Variants in SRCAP observed in about 807,000 individuals in gnomAD.
SRCAP encodes Snf2 related CREBBP activator protein.
In SRCAP, 46 loss-of-function variants were observed where a neutral mutation model predicts 263.1. The ratio of observed to expected loss-of-function variants is 0.17; its 90% CI spans 0.14 to 0.22. The LOEUF (loss-of-function observed/expected upper bound fraction) is 0.22. SRCAP is among the 10% of genes least tolerant of loss of function. The probability of loss-of-function intolerance (pLI) is 1.00; values close to 1 mark genes in which losing one functional copy is unlikely to be tolerated. For synonymous variants in SRCAP, 1,813 were observed against 1,662.1 expected, an observed-to-expected ratio of 1.09 and a Z score of -2.21; for missense variants, 3,695 against 4,181.9, an observed-to-expected ratio of 0.88 and a Z score of 3.21.
intron 6 of SRCAP, 36 bp from the exon 7 acceptor site, chr16:30,709,477 T>C: frequency 6.2e-7 from 1 of 1,607,778 alleles, no homozygotes; most frequent in Non-Finnish European, 8.5e-7. Context: ...ATAAAATGGT[T>C]ATCTTGGTGA....
In SRCAP at chr16:30,739,979, T is replaced by G; in HGVS notation, c.*246T>G. On this transcript the variant is annotated 3_prime_UTR_variant, in exon 34 of 34. Coordinates refer to ENST00000262518, the MANE Select transcript of SRCAP (RefSeq NM_006662.3). ...GTTAAGGGTGGCAAGATAGTCTCTG[T>G]CCCCACCCCCTTGTACTTGATTCCC... 1 of 424,212 alleles carries G rather than the reference T, an allele frequency of 2.4e-6. No homozygotes were observed. Among genetic ancestry groups the G allele is most frequent in the Non-Finnish European group, 3.9e-6 (1 of 255,544 alleles). 26.3% of individuals were successfully genotyped at this position (424,212 alleles called of 1,614,324 possible).
intron 13 of SRCAP, 72 bp from the exon 14 acceptor site, chr16:30,712,607 A>G (rs1200004609): frequency 2.5e-6 from 4 of 1,600,450 alleles, no homozygotes; most frequent in Non-Finnish European, 3.4e-6. Flanking sequence ...AAGGGTGGCC[A>G]GGGTTATAAC....
In SRCAP at chr16:30,729,556, C is replaced by T. The variant is rs781249069; in HGVS notation, c.6111C>T (p.Leu2037=). 1.2e-5 allele frequency: 20 copies of T among 1,614,180 alleles called. No individual in the cohort carries two copies. Among genetic ancestry groups the T allele is most frequent in the Admixed American group, 6.7e-5 (4 of 60,014 alleles). Residue 2037 remains leucine, a synonymous_variant, in exon 27 of 34, where the codon CTC becomes CTT. Transcript: ENST00000262518. ...NMRTQFPDLR[L]IQYDCGKLQT... is the part of the protein sequence containing the mutation. ...GCACCCAGTTCCCTGACTTAAGACT[C>T]ATCCAGTATGATTGCGGTGAGTTTG... is the stretch of plus-strand genomic sequence containing the variant.
intron 4 of SRCAP, among the ~76,000 whole-genome samples, chr16:30,706,292 C>T (rs191205466): frequency 1.3e-5 from 2 of 152,124 alleles, no homozygotes; most frequent in Admixed American, 1.3e-4. Flanking sequence ...CTCGCCCCTA[C>T]GAAAAATACA....
Position 30,740,353 on chromosome 16 carries a change from TC to T in SRCAP, c.*622del, listed in dbSNP as rs2151301919. 1 of 152,344 alleles carries T rather than the reference TC, an allele frequency of 6.6e-6. No homozygotes were observed. Among genetic ancestry groups the T allele is most frequent in the South Asian group, 2.1e-4 (1 of 4,824 alleles). The allele number at this position is 152,344 out of a possible 1,614,324, so 9.4% of individuals were successfully genotyped here. ...CAGTTTGAAGTCACAGATATCCTTT[TC>T]CTCTCATTTCTTTTCCCTCGGTTCC... is the stretch of plus-strand genomic sequence containing the variant. On this transcript the variant is annotated 3_prime_UTR_variant, in exon 34 of 34. Transcript: ENST00000262518.
At chr16:30,702,067 C>A (rs1453494827) in intron 3 of SRCAP, among the ~76,000 whole-genome samples, 2 of 151,932 alleles carry the variant, frequency 1.3e-5, no homozygotes, top group African/African-American at 2.4e-5. Flanking sequence ...AATTCTTCTG[C>A]CTCAGCCTCC....
rs767489982 is a variant in SRCAP at position 30,734,747 on chromosome 16, T to C, written c.6729+132T>C. ...TTCCCAGATTACAGTCAGCCTTTGA[T>C]AGTTGTAAGCACATTGCTTATTGGT... On this transcript the variant is annotated intron_variant, in intron 31 of 33. Transcript: ENST00000262518. 5.7e-5 allele frequency: 79 copies of C among 1,380,586 alleles called. No individual in the cohort carries two copies. In the Middle Eastern group the frequency reaches 9.3e-4, roughly 16 times the overall value. The allele number at this position is 1,380,586 out of a possible 1,614,324, so 85.5% of individuals were successfully genotyped here.
Position 30,723,110 on chromosome 16 carries a change from C to G in SRCAP, c.4040C>G (p.Thr1347Arg). The change falls in exon 24 of 34, where the codon ACG becomes AGG. Residue 1347 changes from threonine (T) to arginine (R), a missense_variant. Thr to Arg is a moderately conservative substitution (Grantham distance 71, BLOSUM62 -1). Around this residue, in one of 12 missense-constraint regions of SRCAP, gnomAD observed 1,347 missense variants for 1,304.4 expected, o/e 1.03. Transcript: ENST00000262518. ...GLPAVLNPRP[T>R]LTPGRLPTPT... Reference sequence around the variant, plus strand: ...CCAGCTGTGTTGAATCCACGCCCCACGTTAACCCCTGGCCGGCTACCCACA... The same window carrying G: ...CCAGCTGTGTTGAATCCACGCCCCAGGTTAACCCCTGGCCGGCTACCCACA... 6.2e-7 allele frequency: 1 copy of G among 1,614,112 alleles called. No homozygotes were observed. The highest frequency in any genetic ancestry group is 8.5e-7 in the Non-Finnish European group (1 of 1,180,020).
chr16:30,707,771 G>A, intron 6 of SRCAP, 59 bp downstream of exon 6: 1 of 1,590,450 alleles, frequency 6.3e-7, no homozygotes, highest in Non-Finnish European at 8.6e-7. Flanking sequence ...AGATGGCGTG[G>A]TAGTAGGAAT....
At chr16:30,729,709 AT>A (rs1388464761) in intron 27 of SRCAP, 137 bp downstream of exon 27, 3 of 939,868 alleles carry the variant, frequency 3.2e-6, no homozygotes, top group African/African-American at 1.7e-5. Context: ...GGTTATGCTT[AT>A]GGGCAAGATA....
At chr16:30,699,303 G>A (rs2052739259) in intron 1 of SRCAP, 61 bp downstream of exon 1, 1 of 398,306 alleles carries the variant, frequency 2.5e-6, no homozygotes, top group Admixed American at 4.4e-5. Flanking sequence ...CGGCACTGTG[G>A]TTTAGGAATT....
chr16:30,710,422 C>T (rs944580018), intron 8 of SRCAP: 1 of 666,130 alleles, frequency 1.5e-6, no homozygotes, highest in Non-Finnish European at 2.7e-6. Flanking sequence ...TGAACATGCC[C>T]TAATGTTCCC....
chr16:30,724,282 C>G lies in SRCAP; in HGVS notation c.4858C>G (p.Pro1620Ala). ...CCTGGCACCATCGCCAGGTGCTGCT[C>G]CTGTCCTGGCTTCATCACAGACTCC... ...PVLAPSPGAAPVLASSQTPVP... is the reference protein window; with the variant it reads ...PVLAPSPGAAAVLASSQTPVP... Residue 1620 changes from proline (P) to alanine (A), a missense_variant, in exon 25 of 34, where the codon CCT (proline) becomes GCT (alanine). Physicochemically the swap from Pro to Ala is conservative, Grantham distance 27. Coordinates refer to ENST00000262518, the MANE Select transcript of SRCAP (RefSeq NM_006662.3). The G allele has an allele frequency of 1.2e-6, 2 of 1,614,174 alleles. No individual in the cohort carries two copies. Among genetic ancestry groups the G allele is most frequent in the Non-Finnish European group, 1.7e-6 (2 of 1,180,040 alleles).
In SRCAP at chr16:30,737,540, C is replaced by T. The variant is rs1002015285; in HGVS notation, c.7500C>T (p.Thr2500=). 1.2e-6 allele frequency: 2 copies of T among 1,610,234 alleles called. No homozygotes were observed. Among genetic ancestry groups the T allele is most frequent in the Non-Finnish European group, 1.7e-6 (2 of 1,176,550 alleles). Residue 2500 remains threonine (T), a synonymous_variant, in exon 34 of 34, where the codon ACC becomes ACT. Transcript: ENST00000262518. ...QIPPCSSPAC[T]PPPACTPPPA... is the part of the protein sequence containing the mutation. ...CTCCTTGTTCTTCTCCTGCCTGCACCCCTCCTCCTGCCTGTACCCCTCCAC... is the reference window on the plus strand; with the variant it reads ...CTCCTTGTTCTTCTCCTGCCTGCACTCCTCCTCCTGCCTGTACCCCTCCAC...
intron 9 of SRCAP, 66 bp from the exon 10 acceptor site, chr16:30,710,933 C>G (rs2052883840): frequency 6.3e-6 from 10 of 1,597,156 alleles, no homozygotes; most frequent in Admixed American, 3.3e-5. Flanking sequence ...TCATCTGTTT[C>G]ATTTGGACTG....
chr16:30,722,861 T>A, intron 23 of SRCAP, 102 bp from the exon 24 acceptor site: 1 of 1,547,672 alleles, frequency 6.5e-7, no homozygotes, highest in South Asian at 1.2e-5. Flanking sequence ...TGCGAATATC[T>A]ATGATACCTG....
At chr16:30,710,489 C>G in intron 8 of SRCAP, 1 of 737,672 alleles carries the variant, frequency 1.4e-6, no homozygotes. Flanking sequence ...TCTGTTTCTC[C>G]ATATGTCTCA....
At chr16:30,725,182 C>G in intron 25 of SRCAP, 100 bp downstream of exon 25, 1 of 1,503,046 alleles carries the variant, frequency 6.7e-7, no homozygotes, top group Non-Finnish European at 8.8e-7. Flanking sequence ...TGGTGAATTA[C>G]AAAGCTTAAT....
chr16:30,739,334 T>A lies in SRCAP; in HGVS notation c.9294T>A (p.Asp3098Glu), dbSNP rs2053198583. Residue 3098 changes from aspartate to glutamate, a missense_variant, in exon 34 of 34, where the codon GAT (aspartate) becomes GAA (glutamate). Transcript: ENST00000262518. ...TTCAGGATGACCTGGACTTAGCAGA[T>A]AGCGGGCCAGGCGGGTTGGAATTGA... ...AVIQDDLDLA[D>E]SGPGGLELTP... The A allele has an allele frequency of 6.2e-7, 1 of 1,614,040 alleles. No individual in the cohort carries two copies.
Sources: gnomAD v4.1 joint callset for allele counts (sites outside exome capture counted in the v4.1 genomes callset) on GRCh38, gnomAD v4.1.1 for gene constraint, gnomAD v4.1.1 regional missense constraint, MANE v1.5 for transcripts, NCBI Gene and HGNC (gene_info 2026-07-23, HGNC 2026-07-21) for gene names.